FBXL17: variants seen among roughly 807,000 people sequenced by gnomAD.
The protein encoded by FBXL17 is F-box and leucine rich repeat protein 17, also known as F-box/LRR-repeat protein 17.
Under a neutral mutation model 66.2 loss-of-function variants are expected in FBXL17, and 22 were observed. The ratio of observed to expected loss-of-function variants is 0.33; its 90% CI spans 0.24 to 0.47. FBXL17 has a LOEUF of 0.47. FBXL17 is among the 20% of genes least tolerant of loss of function. FBXL17 has a pLI of 1.00. For missense variants in FBXL17, 878 were observed against 948.2 expected, an observed-to-expected ratio of 0.93 and a Z score of 0.97; for synonymous variants, 474 against 400.5, an observed-to-expected ratio of 1.18 and a Z score of -2.19.
intron 6 of FBXL17, among the ~76,000 whole-genome samples, chr5:108,022,001 C>T (rs1044501228): frequency 5.3e-5 from 8 of 151,748 alleles, no homozygotes; most frequent in Non-Finnish European, 1.2e-4. Flanking sequence ...TGCTGTCTGG[C>T]TTATTTGTAG....
At chr5:108,230,684 T>C (rs1755294348) in intron 4 of FBXL17, among the ~76,000 whole-genome samples, 1 of 144,746 alleles carries the variant, frequency 6.9e-6, no homozygotes, top group Admixed American at 7.1e-5. Context: ...CTCACTCATA[T>C]AACTAAATAC....
chr5:107,888,713 A>G lies in FBXL17; in HGVS notation c.1823-7534T>C, dbSNP rs188299972. ...TTATGTATACTGGTATCATTTCTCAATGCTGTATAATGTTTCATTCTGCTG... is the reference window on the plus strand; with the variant it reads ...TTATGTATACTGGTATCATTTCTCAGTGCTGTATAATGTTTCATTCTGCTG... On this transcript the variant is annotated intron_variant, in intron 7 of 8. Coordinates refer to ENST00000542267, the MANE Select transcript of FBXL17 (RefSeq NM_001163315.3). Among the ~76,000 whole-genome samples the G allele has an allele frequency of 2.0e-5, 3 of 151,900 alleles. No individual in the cohort carries two copies. The East Asian group carries it at 5.9e-4, about 30-fold the overall frequency.
At chr5:108,039,181 A>C (rs1381326289) in intron 6 of FBXL17, among the ~76,000 whole-genome samples, 1 of 152,056 alleles carries the variant, frequency 6.6e-6, no homozygotes, top group Non-Finnish European at 1.5e-5. Context: ...GAGTGCAAAG[A>C]TTATTTCTAT....
chr5:107,926,288 T>C (rs1750521289), intron 7 of FBXL17, among the ~76,000 whole-genome samples: 1 of 152,132 alleles, frequency 6.6e-6, no homozygotes, highest in African/African-American at 2.4e-5. Flanking sequence ...GTCTTAACCC[T>C]ATACTATTCT....
At chr5:108,211,678 T>C (rs1372717176) in intron 5 of FBXL17, among the ~76,000 whole-genome samples, 1 of 152,226 alleles carries the variant, frequency 6.6e-6, no homozygotes, top group African/African-American at 2.4e-5. Context: ...GCTTGTAGGA[T>C]TTCTACAGAA....
At chr5:108,053,408 G>A (rs1219456589) in intron 6 of FBXL17, among the ~76,000 whole-genome samples, 1 of 151,786 alleles carries the variant, frequency 6.6e-6, no homozygotes, top group Non-Finnish European at 1.5e-5. Flanking sequence ...CTTCTCAAAA[G>A]AAGACATTTA....
At chr5:107,947,985 A>G (rs1311514845) in intron 7 of FBXL17, among the ~76,000 whole-genome samples, 1 of 152,176 alleles carries the variant, frequency 6.6e-6, no homozygotes, top group Non-Finnish European at 1.5e-5. Flanking sequence ...TATATCAGAG[A>G]AGACTATAAA....
At chr5:107,941,743 TAAG>T (rs1751108145) in intron 7 of FBXL17, among the ~76,000 whole-genome samples, 1 of 152,116 alleles carries the variant, frequency 6.6e-6, no homozygotes. Flanking sequence ...TTTCAAAAGA[TAAG>T]AAGGACCTTT....
At chr5:108,000,323 A>G (rs1302594882) in intron 7 of FBXL17, among the ~76,000 whole-genome samples, 2 of 152,232 alleles carry the variant, frequency 1.3e-5, no homozygotes, top group Non-Finnish European at 2.9e-5. Context: ...GAAAATAGAA[A>G]GATGTGGGTA....
At position 107,879,156 on chromosome 5, in the gene FBXL17, C is replaced by A. The variant is rs148571983; in HGVS notation, c.1965+1881G>T. 2.9e-4 allele frequency: 286 copies of A among 985,362 alleles called. 5 individuals carry two copies. In the East Asian group the frequency reaches 0.019, roughly 66 times the overall value. 61.0% of individuals were successfully genotyped at this position (985,362 alleles called of 1,614,324 possible). On this transcript the variant is annotated intron_variant, in intron 8 of 8. Transcript: ENST00000542267. ...AACATACAACTTCTACAGTGTATCT[C>A]CGAAGATGGAGCTGATCTTAACCAT... is the stretch of plus-strand genomic sequence containing the variant.
At chr5:108,264,128 C>T (rs1756948417) in intron 4 of FBXL17, among the ~76,000 whole-genome samples, 1 of 142,206 alleles carries the variant, frequency 7.0e-6, no homozygotes, top group Non-Finnish European at 1.5e-5. Flanking sequence ...GGGAGGAGAA[C>T]TGCTGGAACC....
At chr5:107,864,579 G>T (rs1748221936) in intron 8 of FBXL17, among the ~76,000 whole-genome samples, 1 of 152,128 alleles carries the variant, frequency 6.6e-6, no homozygotes, top group South Asian at 2.1e-4. Context: ...GTTCATGGGG[G>T]TCTGCCCATC....
chr5:108,001,861 G>C (rs952391350), intron 7 of FBXL17, among the ~76,000 whole-genome samples: 1 of 151,608 alleles, frequency 6.6e-6, no homozygotes, highest in African/African-American at 2.4e-5. Flanking sequence ...AAAATCCTGG[G>C]CTAATACTTT....
chr5:107,859,556 C>T lies in FBXL17; in HGVS notation c.*2164G>A, dbSNP rs1368441. 6.9e-6 allele frequency: 1 copy of T among 144,782 alleles called. No individual in the cohort carries two copies. The highest frequency in any genetic ancestry group is 1.5e-5 in the Non-Finnish European group (1 of 66,256). 9.0% of individuals were successfully genotyped at this position (144,782 alleles called of 1,614,324 possible). On this transcript the variant is annotated 3_prime_UTR_variant, in exon 9 of 9. Coordinates refer to ENST00000542267, the MANE Select transcript of FBXL17 (RefSeq NM_001163315.3). ...GAATAAGTGCAAGTCCCCACCCCAC[C>T]CCCACCCCCCCAAGCTAAAGCATGT...
intron 6 of FBXL17, among the ~76,000 whole-genome samples, chr5:108,109,320 T>G (rs1749940603): frequency 6.6e-6 from 1 of 152,050 alleles, no homozygotes; most frequent in South Asian, 2.1e-4. Context: ...AAGACTTTCA[T>G]GTGAGAGGTG....
chr5:108,148,813 G>A (rs1463789374), intron 6 of FBXL17, among the ~76,000 whole-genome samples: 2 of 152,102 alleles, frequency 1.3e-5, no homozygotes, highest in East Asian at 3.9e-4. Context: ...TAATTCTGAT[G>A]GCTGCCACTA....
intron 7 of FBXL17, among the ~76,000 whole-genome samples, chr5:107,998,301 G>A (rs1035998856): frequency 6.6e-6 from 1 of 152,126 alleles, no homozygotes; most frequent in Non-Finnish European, 1.5e-5. Flanking sequence ...CCATTGGACA[G>A]TGTTTGCTAA....
chr5:108,243,027 G>A (rs915439253), intron 4 of FBXL17, among the ~76,000 whole-genome samples: 5 of 152,060 alleles, frequency 3.3e-5, no homozygotes, highest in Non-Finnish European at 7.4e-5. Flanking sequence ...AGCATCCAAC[G>A]AGAATCTGAT....
intron 4 of FBXL17, among the ~76,000 whole-genome samples, chr5:108,304,140 T>C (rs1758726479): frequency 1.3e-5 from 2 of 151,994 alleles, no homozygotes; most frequent in Non-Finnish European, 2.9e-5. Flanking sequence ...TAATCTATGA[T>C]GGGCATTAAA....
Sources: allele counts gnomAD v4.1 joint callset (sites outside exome capture counted in the v4.1 genomes callset), GRCh38; gene constraint gnomAD v4.1.1; transcripts MANE v1.5; gene names NCBI Gene and HGNC (gene_info 2026-07-23, HGNC 2026-07-21).